STOX2: variants seen among roughly 807,000 people sequenced by gnomAD.
The protein encoded by STOX2 is storkhead box 2.
In STOX2, 28 loss-of-function variants were observed where a neutral mutation model predicts 60.9. The observed-to-expected ratio is 0.46, with a 90% CI of 0.34 to 0.63. STOX2 has a LOEUF of 0.63. Ranked by LOEUF, STOX2 falls within the 30% of genes least tolerant of loss-of-function variation. The probability of loss-of-function intolerance (pLI) is 0.01; values close to 1 mark genes in which losing one functional copy is unlikely to be tolerated. For missense variants in STOX2, 1,024 were observed against 1,187.7 expected (o/e 0.86, Z 2.03); for synonymous variants, 472 against 463.9 (o/e 1.02, Z -0.22).
rs1560874891 is a variant in STOX2, at chr4:183,906,800, A to T, written c.10A>T (p.Thr4Ser). 1 of 1,543,904 alleles carries T rather than the reference A, an allele frequency of 6.5e-7. No individual in the cohort carries two copies. The highest frequency in any genetic ancestry group is 2.0e-5 in the Admixed American group (1 of 51,226). ...GGTCGCCCTCCCCACCATGAAGAAG[A>T]CCCGGAGCACAACCTTGCGGCGAGC... MKK[T>S]RSTTLRRAWP... is the part of the protein sequence containing the mutation. Residue 4 changes from threonine to serine, a missense_variant, in exon 1 of 4, where the codon ACC becomes TCC. By Grantham distance (58) the Thr-to-Ser change is moderately conservative. Around this residue, in one of 3 missense-constraint regions of STOX2, gnomAD observed 98 missense variants for 110.2 expected, o/e 0.89. Transcript: ENST00000308497.
intron 1 of STOX2, among the ~76,000 whole-genome samples, chr4:183,994,751 T>C (rs1162080805): frequency 2.0e-5 from 3 of 152,202 alleles, no homozygotes; most frequent in Non-Finnish European, 4.4e-5. Context: ...ATATTGGGAA[T>C]TTCTCAATTA....
Position 183,825,602 on chromosome 4 carries a change from C to A in STOX2, c.364+27547C>A, listed in dbSNP as rs969375169. On this transcript the variant is annotated intron_variant, in intron 1 of 2. Coordinates refer to the STOX2 transcript ENST00000513034. This position sits in a 1 kb window ranked among gnomAD's most constrained non-coding sequence, Gnocchi z 4.1. ...CCAACGTGGGTGCAGCGCCCGACCC[C>A]TCCCTGCCCGTCCTCTGTGTCCCAG... Among the ~76,000 whole-genome samples the A allele has an allele frequency of 6.6e-6, 1 of 152,208 alleles. No homozygotes were observed. Among genetic ancestry groups the A allele is most frequent in the Admixed American group, 6.5e-5 (1 of 15,280 alleles).
chr4:183,851,082 G>A (rs1175071479), intron 1 of STOX2, among the ~76,000 whole-genome samples: 13 of 119,118 alleles, frequency 1.1e-4, no homozygotes, highest in African/African-American at 3.5e-4. Context: ...AAGGATGAGA[G>A]AAAGGATGAG....
intron 1 of STOX2, among the ~76,000 whole-genome samples, chr4:183,956,426 TC>T (rs772707887): frequency 5.6e-5 from 8 of 143,248 alleles, no homozygotes; most frequent in Non-Finnish European, 1.2e-4. Flanking sequence ...TGTCGATCTA[TC>T]ATTCTATCAT....
At chr4:183,807,012 G>C (rs1042921067) in intron 1 of STOX2, among the ~76,000 whole-genome samples, 5 of 151,460 alleles carry the variant, frequency 3.3e-5, no homozygotes, top group Non-Finnish European at 5.9e-5. Context: ...TTGCTCTGTC[G>C]CCCAGGCTGG....
In STOX2 at chr4:183,856,865, C is replaced by G. The variant is rs116390206; in HGVS notation, c.364+58810C>G. 6.6e-6 allele frequency among the ~76,000 whole-genome samples: 1 copy of G among 152,084 alleles called. No individual in the cohort carries two copies. Among genetic ancestry groups the G allele is most frequent in the Non-Finnish European group, 1.5e-5 (1 of 68,018 alleles). ...CTATGGGACCAAAACAGTCAGCTAC[C>G]AAGTCTTATTGAGAATTTACTTTGG... is the stretch of plus-strand genomic sequence containing the variant. On this transcript the variant is annotated intron_variant, in intron 1 of 2. Coordinates refer to the STOX2 transcript ENST00000513034. The surrounding 1 kb of genome is among the most constrained non-coding windows in gnomAD (Gnocchi z 4.0).
intron 1 of STOX2, among the ~76,000 whole-genome samples, chr4:183,889,133 C>T (rs1319164193): frequency 6.6e-6 from 1 of 151,914 alleles, no homozygotes; most frequent in Non-Finnish European, 1.5e-5. Flanking sequence ...TGAACTGCAT[C>T]CCTCACAGAT....
intron 1 of STOX2, among the ~76,000 whole-genome samples, chr4:183,837,814 A>G (rs1053995524): frequency 1.3e-5 from 2 of 152,186 alleles, no homozygotes; most frequent in African/African-American, 4.8e-5. Context: ...GCTGAATAAT[A>G]AATACTCCAT....
chr4:183,850,481 C>A (rs988612958), intron 1 of STOX2, among the ~76,000 whole-genome samples: 2 of 151,952 alleles, frequency 1.3e-5, no homozygotes, highest in African/African-American at 4.8e-5. Context: ...GTAATCCCAG[C>A]ACTTTGGGAG....
intron 1 of STOX2, among the ~76,000 whole-genome samples, chr4:183,875,345 A>G (rs1301813395): frequency 1.3e-5 from 2 of 152,080 alleles, no homozygotes; most frequent in Admixed American, 6.5e-5. Context: ...GGGGTTTTAG[A>G]AGATGGGGCA....
rs111465147 is a variant in STOX2 at position 183,864,918 on chromosome 4, C to G, written c.364+66863C>G. On this transcript the variant is annotated intron_variant, in intron 1 of 2. Coordinates refer to the STOX2 transcript ENST00000513034. ...AGGTTTCTCTACTTTTAAATCTCTT[C>G]TTATGATACTCTCTTTCTCTCCTCC... 7.9e-3 allele frequency among the ~76,000 whole-genome samples: 1,196 copies of G among 152,284 alleles called. 15 individuals are homozygous for G. Among genetic ancestry groups the G allele is most frequent in the African/African-American group, 0.028 (1,149 of 41,558 alleles).
At chr4:183,829,746 A>T (rs1171308066) in intron 1 of STOX2, among the ~76,000 whole-genome samples, 1 of 152,210 alleles carries the variant, frequency 6.6e-6, no homozygotes, top group Non-Finnish European at 1.5e-5. Context: ...GGTTTCTGTT[A>T]CTTGCAACCA....
At chr4:183,805,159 T>C (rs999527113) in intron 1 of STOX2, among the ~76,000 whole-genome samples, 2 of 152,356 alleles carry the variant, frequency 1.3e-5, no homozygotes, top group African/African-American at 4.8e-5. Flanking sequence ...GCCTAAAATA[T>C]CACACACAGT....
chr4:183,817,226 C>G, intron 1 of STOX2, among the ~76,000 whole-genome samples: 1 of 152,210 alleles, frequency 6.6e-6, no homozygotes, highest in East Asian at 1.9e-4. Flanking sequence ...CTGTGTCATT[C>G]ATAAAAGAAT....
intron 1 of STOX2, among the ~76,000 whole-genome samples, chr4:183,882,478 A>T (rs1314944926): frequency 9.9e-5 from 15 of 152,254 alleles, no homozygotes. Context: ...ATTAACTTCT[A>T]TCACTTCATT....
chr4:183,883,463 G>T (rs1417508415), intron 1 of STOX2, among the ~76,000 whole-genome samples: 1 of 151,982 alleles, frequency 6.6e-6, no homozygotes, highest in Non-Finnish European at 1.5e-5. Context: ...GGGACTACAG[G>T]CACCTGCCAC....
intron 1 of STOX2, among the ~76,000 whole-genome samples, chr4:183,948,280 T>TGTG (rs1435314524): frequency 7.1e-6 from 1 of 141,354 alleles, no homozygotes; most frequent in African/African-American, 2.6e-5. Flanking sequence ...TTGACAAGTA[T>TGTG]GTGGAGGCTT....
At chr4:183,984,566 T>G (rs186503783) in intron 1 of STOX2, among the ~76,000 whole-genome samples, 1 of 152,348 alleles carries the variant, frequency 6.6e-6, no homozygotes, top group East Asian at 1.9e-4. Context: ...GTTAGGCACC[T>G]GATAAATATT....
intron 1 of STOX2, among the ~76,000 whole-genome samples, chr4:183,966,459 A>G (rs1436261372): frequency 2.0e-5 from 3 of 152,228 alleles, no homozygotes; most frequent in Non-Finnish European, 4.4e-5. Flanking sequence ...TCAGTTCTGC[A>G]TTTGATGGAC....
Sources: allele counts gnomAD v4.1 joint callset (sites outside exome capture counted in the v4.1 genomes callset), GRCh38; gene constraint gnomAD v4.1.1; regional missense constraint gnomAD v4.1.1; non-coding constraint Gnocchi (gnomAD v3.1); transcripts MANE v1.5; gene names NCBI Gene and HGNC (gene_info 2026-07-23, HGNC 2026-07-21).